Variants in PIGL observed in about 807,000 individuals in gnomAD.
PIGL encodes the protein phosphatidylinositol glycan anchor biosynthesis class L.
Under a neutral mutation model 31.1 loss-of-function variants are expected in PIGL, and 22 were observed. The ratio of observed to expected loss-of-function variants is 0.71; its 90% CI spans 0.51 to 1.01. PIGL has a LOEUF of 1.01. Ranked by LOEUF, PIGL falls within the 50% of genes least tolerant of loss-of-function variation. PIGL has a pLI of 0.00. For synonymous variants in PIGL, 131 were observed against 117.4 expected, an observed-to-expected ratio of 1.12 and a Z score of -0.75; for missense variants, 302 against 315.9, an observed-to-expected ratio of 0.96 and a Z score of 0.33.
At chr17:16,303,641 C>T (rs747141667) in intron 3 of PIGL, among the ~76,000 whole-genome samples, 5 of 151,904 alleles carry the variant, frequency 3.3e-5, no homozygotes, top group African/African-American at 7.3e-5. Context: ...CGGGTTCAAG[C>T]GATTCTCCTG....
chr17:16,321,746 G>T (rs1161447085), intron 6 of PIGL, among the ~76,000 whole-genome samples: 2 of 150,292 alleles, frequency 1.3e-5, no homozygotes, highest in Non-Finnish European at 3.0e-5. Context: ...CCCTCTTTCT[G>T]TCTGTCTGTC....
intron 1 of PIGL, among the ~76,000 whole-genome samples, chr17:16,223,954 C>T (rs1316613858): frequency 2.0e-5 from 3 of 151,640 alleles, no homozygotes; most frequent in Non-Finnish European, 4.4e-5. Flanking sequence ...TGTTGGTTCA[C>T]GCCTGTAATC....
chr17:16,320,550 G>C lies in PIGL; in HGVS notation c.660+2642G>C, dbSNP rs55657627. On this transcript the variant is annotated intron_variant, in intron 6 of 6. Transcript: ENST00000225609. ...AGAAAAGAAGAAGGAAGGAAGGAAG[G>C]AAGAAAGGAAGGAAGGAAGGAAAAT... Among the ~76,000 whole-genome samples the C allele has an allele frequency of 9.4e-4, 141 of 149,250 alleles. No individual in the cohort carries two copies. In the Middle Eastern group the frequency reaches 0.017, roughly 18 times the overall value.
chr17:16,228,419 C>G lies in PIGL; in HGVS notation c.236-5552C>G, dbSNP rs182975210. Among the ~76,000 whole-genome samples, 428 of 152,050 alleles carry G rather than the reference C, an allele frequency of 2.8e-3. 3 individuals are homozygous for G. Among genetic ancestry groups the G allele is most frequent in the African/African-American group, 9.5e-3 (395 of 41,488 alleles). The stretch of plus-strand genomic sequence containing the variant: ...TATTTTTTTGAGACGGAGTCTTGCT[C>G]TGTCGCCCAGGCTGGAGTGCAGTGG... On this transcript the variant is annotated intron_variant, in intron 1 of 6. Transcript: ENST00000225609.
intron 2 of PIGL, among the ~76,000 whole-genome samples, chr17:16,234,497 C>T (rs2092691723): frequency 6.7e-6 from 1 of 148,334 alleles, no homozygotes; most frequent in Non-Finnish European, 1.5e-5. Context: ...GGCACAGTGG[C>T]TTACGCCTGT....
intron 6 of PIGL, among the ~76,000 whole-genome samples, chr17:16,319,409 G>A (rs2093093158): frequency 6.6e-6 from 1 of 152,010 alleles, no homozygotes; most frequent in African/African-American, 2.4e-5. Context: ...ATGGAGCGAT[G>A]CTCCCAGCTT....
At chr17:16,311,869 A>T (rs2093052091) in intron 3 of PIGL, among the ~76,000 whole-genome samples, 1 of 152,160 alleles carries the variant, frequency 6.6e-6, no homozygotes, top group Non-Finnish European at 1.5e-5. Flanking sequence ...TTCTACACAG[A>T]CACAGCAACA....
intron 6 of PIGL, among the ~76,000 whole-genome samples, chr17:16,325,332 C>CAA (rs55958956): frequency 1.4e-3 from 95 of 69,136 alleles, no homozygotes; most frequent in African/African-American, 3.2e-3. Context: ...GCAACAGGCT[C>CAA]AAAAAAAAAA....
At chr17:16,308,376 CA>C (rs1320396565) in intron 3 of PIGL, among the ~76,000 whole-genome samples, 1 of 152,004 alleles carries the variant, frequency 6.6e-6, no homozygotes, top group African/African-American at 2.4e-5. Flanking sequence ...GAAAGCAGCC[CA>C]GGGGGATAGT....
chr17:16,258,850 A>C (rs1361271865), intron 2 of PIGL, among the ~76,000 whole-genome samples: 2 of 152,196 alleles, frequency 1.3e-5, no homozygotes, highest in Non-Finnish European at 2.9e-5. Context: ...TTAGCTCACC[A>C]TTGCCTCTAC....
At chr17:16,320,410 A>G (rs2093099702) in intron 6 of PIGL, among the ~76,000 whole-genome samples, 1 of 125,776 alleles carries the variant, frequency 8.0e-6, no homozygotes, top group African/African-American at 3.1e-5. Flanking sequence ...AGGGAGAGAA[A>G]AGGAGAGAGG....
chr17:16,311,343 T>A (rs1324636702), intron 3 of PIGL, among the ~76,000 whole-genome samples: 7 of 150,762 alleles, frequency 4.6e-5, no homozygotes. Context: ...AAAATCTCTA[T>A]GACAATTGTG....
chr17:16,325,372 A>T (rs1351387443), intron 6 of PIGL, among the ~76,000 whole-genome samples: 1 of 151,576 alleles, frequency 6.6e-6, no homozygotes, highest in African/African-American at 2.4e-5. Context: ...TGGACTCTAG[A>T]ATCAATCAGT....
intron 2 of PIGL, among the ~76,000 whole-genome samples, chr17:16,260,695 T>G (rs1447605126): frequency 1.3e-5 from 2 of 152,186 alleles, no homozygotes; most frequent in African/African-American, 2.4e-5. Flanking sequence ...CTACCCACTT[T>G]GGGTCTCCTG....
chr17:16,289,352 C>G (rs998569223), intron 2 of PIGL, among the ~76,000 whole-genome samples: 26 of 152,210 alleles, frequency 1.7e-4, no homozygotes, highest in Admixed American at 5.2e-4. Context: ...TTATCTTCGT[C>G]CTGCACCAGC....
At chr17:16,320,458 G>A (rs2093100201) in intron 6 of PIGL, among the ~76,000 whole-genome samples, 3 of 74,002 alleles carry the variant, frequency 4.1e-5, no homozygotes, top group African/African-American at 1.2e-4. Context: ...GGAAGGGAGG[G>A]AAGGAGGGAA....
intron 2 of PIGL, among the ~76,000 whole-genome samples, chr17:16,272,471 A>C (rs1016372125): frequency 6.6e-6 from 1 of 152,248 alleles, no homozygotes; most frequent in African/African-American, 2.4e-5. Flanking sequence ...AAAAACAAAT[A>C]AACAAAAACC....
intron 2 of PIGL, among the ~76,000 whole-genome samples, chr17:16,271,969 C>A (rs575857779): frequency 1.3e-5 from 2 of 152,208 alleles, no homozygotes; most frequent in African/African-American, 4.8e-5. Context: ...AAGCAATCTT[C>A]CCACCTTGGC....
At chr17:16,258,799 C>A (rs1422293337) in intron 2 of PIGL, among the ~76,000 whole-genome samples, 6 of 152,184 alleles carry the variant, frequency 3.9e-5, no homozygotes, top group Non-Finnish European at 8.8e-5. Flanking sequence ...CCACGTCCAG[C>A]CTGGAAGTAG....
Sources: gnomAD v4.1 joint callset for allele counts (sites outside exome capture counted in the v4.1 genomes callset) on GRCh38, gnomAD v4.1.1 for gene constraint, MANE v1.5 for transcripts, NCBI Gene and HGNC (gene_info 2026-07-23, HGNC 2026-07-21) for gene names.